The following USP34 variants were observed in gnomAD, a reference collection of about 807,000 sequenced individuals.
USP34 encodes the protein ubiquitin specific peptidase 34, also known as ubiquitin carboxyl-terminal hydrolase 34.
Under a neutral mutation model 460.3 loss-of-function variants are expected in USP34, and 70 were observed. The observed-to-expected ratio is 0.15, with a 90% confidence interval of 0.13 to 0.19. The LOEUF is 0.19. Among genes scored for constraint, USP34 ranks in the 10% least tolerant of loss-of-function variants. The pLI is 1.00. For missense variants in USP34, 3,985 were observed against 4,236.2 expected (o/e 0.94, Z 1.65); for synonymous variants, 1,647 against 1,405.3 (o/e 1.17, Z -3.85).
At chr2:61,327,414 T>C (rs1234540307) in intron 20 of USP34, among the ~76,000 whole-genome samples, 1 of 152,194 alleles carries the variant, frequency 6.6e-6, no homozygotes, top group Non-Finnish European at 1.5e-5. Flanking sequence ...AACAGCTAGC[T>C]CTTAAGGGCT....
chr2:61,275,123 T>C (rs1001448440), intron 41 of USP34, among the ~76,000 whole-genome samples: 2 of 151,752 alleles, frequency 1.3e-5, no homozygotes, highest in East Asian at 3.9e-4. Flanking sequence ...CAAAAGATTT[T>C]TAAAAATTAG....
At chr2:61,400,138 C>T (rs1363767226) in intron 3 of USP34, among the ~76,000 whole-genome samples, 5 of 147,674 alleles carry the variant, frequency 3.4e-5, no homozygotes, top group African/African-American at 1.0e-4. Context: ...GAGATGGAGT[C>T]GCATTCTGTT....
At chr2:61,326,878 G>C (rs1691108870) in intron 20 of USP34, among the ~76,000 whole-genome samples, 1 of 150,796 alleles carries the variant, frequency 6.6e-6, no homozygotes, top group Non-Finnish European at 1.5e-5. Flanking sequence ...CCGCCTCCTG[G>C]GTTCAAGCGA....
chr2:61,266,869 A>G (rs1689063978), intron 41 of USP34, among the ~76,000 whole-genome samples: 1 of 152,220 alleles, frequency 6.6e-6, no homozygotes, highest in African/African-American at 2.4e-5. Context: ...ACAGCTCCCT[A>G]CATTGATACA....
At chr2:61,263,244 G>A (rs1409236249) in intron 43 of USP34, among the ~76,000 whole-genome samples, 1 of 138,638 alleles carries the variant, frequency 7.2e-6, no homozygotes, top group African/African-American at 2.8e-5. Flanking sequence ...GTAATGGCTC[G>A]ATCTCAGCTC....
At chr2:61,280,213 CATAGA>C (rs773522640) in intron 39 of USP34, 26 bp downstream of exon 39, 1 of 1,241,128 alleles carries the variant, frequency 8.1e-7, no homozygotes. Context: ...GAAGAGAATA[CATAGA>C]ATAGTATATA....
rs1691254894 is a variant in USP34, at chr2:61,331,319, A to G, written c.2887T>C (p.Tyr963His). Residue 963 changes from tyrosine to histidine, a missense_variant, in exon 20 of 80, where the codon TAC becomes CAC. Transcript: ENST00000398571. ...CCTTCTCTCACAGTTTGAATGTAGT[A>G]TACCAAATTATCAAAGAAAAGCTTC... Reference protein sequence around the residue: ...MMKLFFDNLVYYIQTVREGRQ... With the variant: ...MMKLFFDNLVHYIQTVREGRQ... 2 of 1,612,632 alleles carry G rather than the reference A, an allele frequency of 1.2e-6. No homozygotes were observed. Among genetic ancestry groups the G allele is most frequent in the Non-Finnish European group, 1.7e-6 (2 of 1,179,204 alleles).
In USP34 at chr2:61,222,681, G is replaced by A. The variant is rs774417738; in HGVS notation, c.7750-18C>T. ...GATACAATCTAAAACAGAAAGAGGA[G>A]GATTTCAGGATATTCTTGTTTTGTT... On this transcript the variant is annotated intron_variant, in intron 64 of 79. Transcript: ENST00000398571. The A allele has an allele frequency of 3.1e-6, 5 of 1,607,848 alleles. No homozygotes were observed. Among genetic ancestry groups the A allele is most frequent in the East Asian group, 2.2e-5 (1 of 44,772 alleles).
At chr2:61,393,860 G>A (rs770642969) in intron 5 of USP34, among the ~76,000 whole-genome samples, 17 of 152,068 alleles carry the variant, frequency 1.1e-4, no homozygotes, top group African/African-American at 3.1e-4. Context: ...TTTCCGGGCC[G>A]GGCACAGTCG....
chr2:61,456,696 T>C (rs1316199221), intron 1 of USP34, among the ~76,000 whole-genome samples: 6 of 151,866 alleles, frequency 4.0e-5, no homozygotes, highest in Admixed American at 6.6e-5. Context: ...TTCACGCCTA[T>C]AATCCCAACA....
chr2:61,292,959 T>A (rs1169729449), intron 33 of USP34, among the ~76,000 whole-genome samples: 1 of 152,116 alleles, frequency 6.6e-6, no homozygotes, highest in African/African-American at 2.4e-5. Flanking sequence ...TTTTGTAAAG[T>A]ATTATAAAAT....
intron 1 of USP34, among the ~76,000 whole-genome samples, chr2:61,447,836 C>T (rs1442527228): frequency 1.3e-5 from 2 of 152,190 alleles, no homozygotes; most frequent in African/African-American, 4.8e-5. Context: ...CTGCCTCAGC[C>T]TCCCAAGTAG....
intron 16 of USP34, among the ~76,000 whole-genome samples, chr2:61,341,429 G>T (rs554059007): frequency 6.6e-6 from 1 of 152,294 alleles, no homozygotes; most frequent in Admixed American, 6.5e-5. Context: ...GTGACCTCCA[G>T]TGTTGGAGGT....
Position 61,281,210 on chromosome 2 carries a change from G to C in USP34, c.5031C>G (p.Leu1677=), listed in dbSNP as rs755136657. Residue 1677 remains leucine (L), a synonymous_variant, in exon 38 of 80, where the codon CTC becomes CTG. Coordinates refer to ENST00000398571, the MANE Select transcript of USP34 (RefSeq NM_014709.4). ...TAVRHESCSG[L]YKLSLSGLDG... The stretch of plus-strand genomic sequence containing the variant: ...CCAGCCCTGACAGGGATAACTTATA[G>C]AGACCACTGCATGATTCATGACGAA... The C allele has an allele frequency of 6.2e-7, 1 of 1,614,058 alleles. No homozygotes were observed. The highest frequency in any genetic ancestry group is 1.1e-5 in the South Asian group (1 of 91,066).
At chr2:61,294,071 C>T (rs138390433) in intron 32 of USP34, among the ~76,000 whole-genome samples, 2,203 of 151,802 alleles carry the variant, frequency 0.015, 74 homozygotes, top group Admixed American at 0.075. Context: ...TGAGGCCAGG[C>T]GCGGTGGCTC....
intron 51 of USP34, among the ~76,000 whole-genome samples, chr2:61,243,357 T>C (rs777052565): frequency 3.3e-5 from 5 of 150,736 alleles, no homozygotes; most frequent in African/African-American, 4.9e-5. Flanking sequence ...ACATTGGCCA[T>C]GCTGGTGTTG....
At chr2:61,455,323 T>A (rs1349985168) in intron 1 of USP34, among the ~76,000 whole-genome samples, 1 of 152,052 alleles carries the variant, frequency 6.6e-6, no homozygotes, top group Admixed American at 6.6e-5. Context: ...GGATTATAGA[T>A]GTGTGCCACC....
In USP34 at chr2:61,235,350, G is replaced by A. The variant is rs1419557763; in HGVS notation, c.7032+495C>T. On this transcript the variant is annotated intron_variant, in intron 57 of 79. Coordinates refer to ENST00000398571, the MANE Select transcript of USP34 (RefSeq NM_014709.4). Reference sequence around the variant, plus strand: ...TTTCTTTTTTTTTTTTTTTTGAGATGGAGTCTCACTGTGTCGTCAGGCTGG... The same window carrying A: ...TTTCTTTTTTTTTTTTTTTTGAGATAGAGTCTCACTGTGTCGTCAGGCTGG... Among the ~76,000 whole-genome samples the A allele has an allele frequency of 4.2e-5, 6 of 141,732 alleles. No individual in the cohort carries two copies. In the Admixed American group the frequency reaches 4.4e-4, roughly 10 times the overall value. 93.0% of individuals were successfully genotyped at this position (141,732 alleles called of 152,430 possible).
chr2:61,437,862 CAA>C (rs1694861431), intron 1 of USP34, among the ~76,000 whole-genome samples: 1 of 151,346 alleles, frequency 6.6e-6, no homozygotes. Flanking sequence ...GAATCAGTAA[CAA>C]AAAGTCTCCC....
Sources: gnomAD v4.1 joint callset for allele counts (sites outside exome capture counted in the v4.1 genomes callset) on GRCh38, gnomAD v4.1.1 for gene constraint, MANE v1.5 for transcripts, NCBI Gene and HGNC (gene_info 2026-07-23, HGNC 2026-07-21) for gene names.